The following POFUT2 variants were observed in gnomAD, a reference collection of about 807,000 sequenced individuals.
POFUT2 encodes the protein protein O-fucosyltransferase 2, also known as GDP-fucose protein O-fucosyltransferase 2.
In POFUT2, 30 loss-of-function variants were observed where a neutral mutation model predicts 55.0. That is an observed-to-expected ratio of 0.55 (90% CI 0.41 to 0.74). The LOEUF is 0.74. POFUT2 is among the 30% of genes least tolerant of loss of function. POFUT2 has a pLI of 0.00. For missense variants in POFUT2, 524 were observed against 562.6 expected, an observed-to-expected ratio of 0.93 and a Z score of 0.69; for synonymous variants, 267 against 231.1, an observed-to-expected ratio of 1.16 and a Z score of -1.41.
chr21:45,274,824 A>G (rs1229307077), intron 6 of POFUT2, among the ~76,000 whole-genome samples: 1 of 152,266 alleles, frequency 6.6e-6, no homozygotes, highest in African/African-American at 2.4e-5. Context: ...ACCTGAAATC[A>G]TAAAAATTCT....
intron 8 of POFUT2, chr21:45,266,280 C>T (rs1035881638): frequency 3.7e-6 from 5 of 1,367,152 alleles, no homozygotes; most frequent in Non-Finnish European, 4.9e-6. Context: ...GTAACATGCA[C>T]AGCGCTGTAC....
At chr21:45,276,845 G>A (rs932927943) in intron 6 of POFUT2, among the ~76,000 whole-genome samples, 172 bp downstream of exon 6, 8 of 152,094 alleles carry the variant, frequency 5.3e-5, no homozygotes, top group South Asian at 2.1e-4. Flanking sequence ...CCAGGGTCCC[G>A]GCGCCTCCCG....
rs559817122 is a variant in POFUT2, at chr21:45,269,663, G to C, written c.1012+176C>G. On this transcript the variant is annotated intron_variant, in intron 7 of 8. Transcript: ENST00000349485. ...ACACAAACACTGCGGAAGGCCGCAGGGTCCTCTGCCTAGGAAAACCAGAGA... is the reference window on the plus strand; with the variant it reads ...ACACAAACACTGCGGAAGGCCGCAGCGTCCTCTGCCTAGGAAAACCAGAGA... Among the ~76,000 whole-genome samples, 5 of 152,008 alleles carry C rather than the reference G, an allele frequency of 3.3e-5. No individual in the cohort carries two copies. The South Asian group carries it at 1.0e-3, about 32-fold the overall frequency.
Position 45,265,351 on chromosome 21 carries a change from G to A in POFUT2, c.*131C>T. ...CTCTAGAGGCGTGGGGCCTCTTCTG[G>A]GCCTGGGACCCTGCGAGGGACGGTC... On this transcript the variant is annotated 3_prime_UTR_variant, in exon 9 of 9. Coordinates refer to ENST00000349485, the MANE Select transcript of POFUT2 (RefSeq NM_133635.6). The surrounding 1 kb of genome is among the most constrained non-coding windows in gnomAD (Gnocchi z 4.6). The A allele has an allele frequency of 2.6e-6, 2 of 777,384 alleles. No individual in the cohort carries two copies. Among genetic ancestry groups the A allele is most frequent in the Non-Finnish European group, 2.0e-6 (1 of 496,256 alleles). 48.2% of individuals were successfully genotyped at this position (777,384 alleles called of 1,614,324 possible).
intron 6 of POFUT2, among the ~76,000 whole-genome samples, chr21:45,271,712 C>T (rs1192537096): frequency 6.6e-6 from 1 of 152,188 alleles, no homozygotes; most frequent in Non-Finnish European, 1.5e-5. Flanking sequence ...TCAGCAGAAA[C>T]CTACAAGCTA....
At chr21:45,287,679 C>CAAA in intron 1 of POFUT2, 62 bp downstream of exon 1, 1 of 458,130 alleles carries the variant, frequency 2.2e-6, no homozygotes, top group Non-Finnish European at 3.4e-6. Context: ...CCGCCCCCAT[C>CAAA]CCATCCTCTG....
Position 45,277,812 on chromosome 21 carries a change from C to T in POFUT2, c.705+291G>A, listed in dbSNP as rs774843570. On this transcript the variant is annotated intron_variant, in intron 5 of 8. Transcript: ENST00000349485. This position sits in a 1 kb window ranked among gnomAD's most constrained non-coding sequence, Gnocchi z 6.9. ...AAAGGAGGGGTCTACGTTCCAGCCA[C>T]TGACGGAGTCACTGACTCCGGGGCT... 1.0e-5 allele frequency: 5 copies of T among 486,470 alleles called. No homozygotes were observed. Among genetic ancestry groups the T allele is most frequent in the Non-Finnish European group, 1.8e-5 (5 of 271,096 alleles). The allele number at this position is 486,470 out of a possible 1,614,324, so 30.1% of individuals were successfully genotyped here. A position where few individuals can be genotyped will look rare whatever the true frequency, so the allele number is the denominator to read the frequency against.
chr21:45,276,066 G>A (rs1309035484), intron 6 of POFUT2, among the ~76,000 whole-genome samples: 1 of 152,140 alleles, frequency 6.6e-6, no homozygotes, highest in African/African-American at 2.4e-5. Flanking sequence ...GCACGCGCCT[G>A]TGATCCCAGC....
chr21:45,265,388 GCT>G lies in POFUT2; in HGVS notation c.*92_*93del. The stretch of plus-strand genomic sequence containing the variant: ...TGCGAGGGACGGTCCTGTCCGCCCA[GCT>G]CCCGGCTGGCAGTAGACGGTGACTC... On this transcript the variant is annotated 3_prime_UTR_variant, in exon 9 of 9. Transcript: ENST00000349485. This position sits in a 1 kb window ranked among gnomAD's most constrained non-coding sequence, Gnocchi z 4.6. The G allele has an allele frequency of 1.7e-6, 2 of 1,199,716 alleles. No homozygotes were observed. The highest frequency in any genetic ancestry group is 2.4e-6 in the Non-Finnish European group (2 of 845,128). 74.3% of individuals were successfully genotyped at this position (1,199,716 alleles called of 1,614,324 possible). A position where few individuals can be genotyped will look rare whatever the true frequency, so the allele number is the denominator to read the frequency against.
In POFUT2 at chr21:45,265,684, G is replaced by C. The variant is rs779724689; in HGVS notation, c.1137-49C>G. ...AGAGTCAGGGAGAACTGGCGTCACAGAGGTTCCAGAGTCAGGGAGAACTGA... is the reference window on the plus strand; with the variant it reads ...AGAGTCAGGGAGAACTGGCGTCACACAGGTTCCAGAGTCAGGGAGAACTGA... On this transcript the variant is annotated intron_variant, in intron 8 of 8. Transcript: ENST00000349485. The surrounding 1 kb of genome is among the most constrained non-coding windows in gnomAD (Gnocchi z 4.6). 16 of 925,270 alleles carry C rather than the reference G, an allele frequency of 1.7e-5. No individual in the cohort carries two copies. The highest frequency in any genetic ancestry group is 8.6e-5 in the Admixed American group (3 of 34,814). 57.3% of individuals were successfully genotyped at this position (925,270 alleles called of 1,614,324 possible). A position where few individuals can be genotyped will look rare whatever the true frequency, so the allele number is the denominator to read the frequency against.
chr21:45,277,200 G>A lies in POFUT2; in HGVS notation c.706-58C>T, dbSNP rs965740766. The A allele has an allele frequency of 6.9e-6, 11 of 1,586,230 alleles. No homozygotes were observed. The highest frequency in any genetic ancestry group is 2.2e-5 in the East Asian group (1 of 44,554). ...CGCCCGCCCGCCACGCAGCCCTCCC[G>A]GAGCGGGTTCTCCTGTCGCTGCCAC... On this transcript the variant is annotated intron_variant, in intron 5 of 8. Coordinates refer to ENST00000349485, the MANE Select transcript of POFUT2 (RefSeq NM_133635.6). The surrounding 1 kb of genome is among the most constrained non-coding windows in gnomAD (Gnocchi z 6.9).
intron 1 of POFUT2, 111 bp from the exon 2 acceptor site, chr21:45,286,039 G>C: frequency 1.1e-6 from 1 of 949,398 alleles, no homozygotes; most frequent in Non-Finnish European, 1.6e-6. Context: ...CTTAACAATG[G>C]TTCCTAGTTT....
chr21:45,275,624 T>C (rs1201240565), intron 6 of POFUT2, among the ~76,000 whole-genome samples: 1 of 152,212 alleles, frequency 6.6e-6, no homozygotes, highest in Non-Finnish European at 1.5e-5. Context: ...CTGGAGACCA[T>C]TATTCTAAGT....
chr21:45,268,534 T>G (rs1312519052), intron 7 of POFUT2, among the ~76,000 whole-genome samples: 1 of 149,920 alleles, frequency 6.7e-6, no homozygotes. Flanking sequence ...ATCTAGGAAG[T>G]GAGGAGCACC....
chr21:45,287,719 G>A lies in POFUT2; in HGVS notation c.131+22C>T. ...TGCCCGGTCCTGGAACCCCAGCGTT[G>A]GCACCGTGGACGCGCGTTTACCGTC... On this transcript the variant is annotated intron_variant, in intron 1 of 8. Coordinates refer to ENST00000349485, the MANE Select transcript of POFUT2 (RefSeq NM_133635.6). 4 of 1,305,638 alleles carry A rather than the reference G, an allele frequency of 3.1e-6. 1 individual carries two copies. In the South Asian group the frequency reaches 6.2e-5, roughly 20 times the overall value. 80.9% of individuals were successfully genotyped at this position (1,305,638 alleles called of 1,614,324 possible).
intron 7 of POFUT2, among the ~76,000 whole-genome samples, chr21:45,268,258 T>A (rs1319222828): frequency 6.6e-6 from 1 of 152,268 alleles, no homozygotes; most frequent in Non-Finnish European, 1.5e-5. Context: ...GTGCTGGGAT[T>A]GCAGACGGAG....
At position 45,267,776 on chromosome 21, in the gene POFUT2, CT is replaced by C. The variant is rs2093170379; in HGVS notation, c.1013-64del. 3.5e-6 allele frequency: 5 copies of C among 1,440,768 alleles called. No individual in the cohort carries two copies. The highest frequency in any genetic ancestry group is 3.9e-6 in the Non-Finnish European group (4 of 1,033,702). The allele number at this position is 1,440,768 out of a possible 1,614,324, so 89.2% of individuals were successfully genotyped here. On this transcript the variant is annotated intron_variant, in intron 7 of 8. Coordinates refer to ENST00000349485, the MANE Select transcript of POFUT2 (RefSeq NM_133635.6). This position sits in a 1 kb window ranked among gnomAD's most constrained non-coding sequence, Gnocchi z 4.4. Reference sequence around the variant, plus strand: ...CTCCAGTAAGGACAGATACGTGACTCTTTAGCAGACAGACATGCGTACTTGG... The same window carrying C: ...CTCCAGTAAGGACAGATACGTGACTCTTAGCAGACAGACATGCGTACTTGG...
rs1204550688 is a variant in POFUT2, at chr21:45,281,227, T to C, written c.638+1122A>G. Among the ~76,000 whole-genome samples, 1 of 152,178 alleles carries C rather than the reference T, an allele frequency of 6.6e-6. No homozygotes were observed. The highest frequency in any genetic ancestry group is 1.5e-5 in the Non-Finnish European group (1 of 68,038). On this transcript the variant is annotated intron_variant, in intron 4 of 8. Transcript: ENST00000349485. The surrounding 1 kb of genome is among the most constrained non-coding windows in gnomAD (Gnocchi z 5.0). ...ATCTAGTTGGAAGCCCCCTCTGGGCTCAGCTCCATTCTAACCTGTAAATGT... is the reference window on the plus strand; with the variant it reads ...ATCTAGTTGGAAGCCCCCTCTGGGCCCAGCTCCATTCTAACCTGTAAATGT...
intron 6 of POFUT2, among the ~76,000 whole-genome samples, chr21:45,272,897 A>G (rs921410015): frequency 6.6e-6 from 1 of 152,302 alleles, no homozygotes; most frequent in Non-Finnish European, 1.5e-5. Context: ...ACACAGCAAA[A>G]GTGGTGCCAA....
Sources: gnomAD v4.1 joint callset for allele counts (sites outside exome capture counted in the v4.1 genomes callset) on GRCh38, gnomAD v4.1.1 for gene constraint, Gnocchi (gnomAD v3.1) non-coding constraint, MANE v1.5 for transcripts, NCBI Gene and HGNC (gene_info 2026-07-23, HGNC 2026-07-21) for gene names.